Variants in RNLS observed in about 807,000 individuals in gnomAD.
RNLS encodes renalase, FAD dependent amine oxidase.
Under a neutral mutation model 39.8 loss-of-function variants are expected in RNLS, and 39 were observed. The ratio of observed to expected loss-of-function variants is 0.98; its 90% CI spans 0.76 to 1.28. The LOEUF (loss-of-function observed/expected upper bound fraction) is 1.28. Ranked by LOEUF, RNLS falls within the 50% of genes most tolerant of loss-of-function variation. RNLS has a pLI of 0.00. For synonymous variants in RNLS, 147 were observed against 150.7 expected (o/e 0.98, Z 0.18); for missense variants, 410 against 413.3 (o/e 0.99, Z 0.07).
chr10:88,229,597 A>G, the RNLS span, among the ~76,000 whole-genome samples: 6 of 152,238 alleles, frequency 3.9e-5, no homozygotes, highest in African/African-American at 1.4e-4. Flanking sequence ...TTGTGTGGCC[A>G]TAACCACAAT....
At position 88,406,329 on chromosome 10, in the gene RNLS, T is replaced by C. The variant is rs140536147; in HGVS notation, c.527-43604A>G. Among the ~76,000 whole-genome samples, 1,042 of 152,276 alleles carry C rather than the reference T, an allele frequency of 6.8e-3. 4 individuals carry two copies. The highest frequency in any genetic ancestry group is 0.041 in the Middle Eastern group (12 of 294). On this transcript the variant is annotated intron_variant, in intron 4 of 6. Transcript: ENST00000331772. ...CCCCCAAATATGTTTTCTAAGCTTT[T>C]AGAATTCTCTTCTTCCTCAGGAACA... is the stretch of plus-strand genomic sequence containing the variant.
At chr10:88,434,795 C>T (rs915393236) in intron 4 of RNLS, among the ~76,000 whole-genome samples, 10 of 151,970 alleles carry the variant, frequency 6.6e-5, no homozygotes, top group African/African-American at 2.4e-4. Context: ...GTTATTTAAT[C>T]TGTGAAATAG....
intron 3 of RNLS, among the ~76,000 whole-genome samples, chr10:88,580,283 A>T (rs1042105505): frequency 2.6e-5 from 4 of 152,182 alleles, no homozygotes; most frequent in Non-Finnish European, 5.9e-5. Context: ...GAGTAGTCTA[A>T]CATACCATCT....
chr10:88,310,533 G>A (rs1247314782), intron 6 of RNLS, among the ~76,000 whole-genome samples: 2 of 151,504 alleles, frequency 1.3e-5, no homozygotes, highest in East Asian at 2.0e-4. Flanking sequence ...GCTTATGACT[G>A]TAATCCTAGC....
At chr10:88,332,287 C>A (rs910018386) in intron 5 of RNLS, among the ~76,000 whole-genome samples, 2 of 152,254 alleles carry the variant, frequency 1.3e-5, no homozygotes, top group Non-Finnish European at 2.9e-5. Flanking sequence ...TATTTATAAT[C>A]ATTCAACACA....
the RNLS span, among the ~76,000 whole-genome samples, chr10:88,248,258 A>G: frequency 1.3e-3 from 203 of 152,324 alleles, 1 homozygote; most frequent in East Asian, 8.1e-3. Flanking sequence ...TCACTTTACC[A>G]TCTACCTACT....
At chr10:88,515,924 A>G (rs1846381206) in intron 4 of RNLS, among the ~76,000 whole-genome samples, 1 of 152,066 alleles carries the variant, frequency 6.6e-6, no homozygotes, top group South Asian at 2.1e-4. Context: ...GGATAAAGTG[A>G]AGCCTTTAGG....
chr10:88,210,840 G>T, the RNLS span, among the ~76,000 whole-genome samples: 6 of 152,090 alleles, frequency 3.9e-5, no homozygotes, highest in African/African-American at 1.4e-4. Flanking sequence ...ACTCCTTGTG[G>T]GACTGTGTTC....
intron 4 of RNLS, among the ~76,000 whole-genome samples, chr10:88,453,717 GT>G (rs1842472811): frequency 6.6e-6 from 1 of 152,184 alleles, no homozygotes; most frequent in African/African-American, 2.4e-5. Context: ...TAACAAAGCT[GT>G]TAACTAGCAT....
At chr10:88,459,348 A>G (rs948031331) in intron 4 of RNLS, among the ~76,000 whole-genome samples, 13 of 152,168 alleles carry the variant, frequency 8.5e-5, no homozygotes, top group Non-Finnish European at 1.9e-4. Flanking sequence ...ATTAGTGGAT[A>G]AATTCAGCGT....
At chr10:88,458,518 C>G (rs1842761280) in intron 4 of RNLS, among the ~76,000 whole-genome samples, 1 of 152,224 alleles carries the variant, frequency 6.6e-6, no homozygotes, top group Non-Finnish European at 1.5e-5. Context: ...TTTCTGCATT[C>G]TCTGCTGAAT....
the RNLS span, among the ~76,000 whole-genome samples, chr10:88,223,383 T>G: frequency 3.3e-5 from 5 of 152,194 alleles, no homozygotes; most frequent in Non-Finnish European, 7.3e-5. Flanking sequence ...AGCAAAAATA[T>G]TCCCACAAAA....
At chr10:88,355,605 C>A (rs117430251) in intron 5 of RNLS, among the ~76,000 whole-genome samples, 10 of 152,118 alleles carry the variant, frequency 6.6e-5, no homozygotes, top group Non-Finnish European at 1.2e-4. Flanking sequence ...GGCCGTGTGA[C>A]GTGTCAGTCT....
chr10:88,345,823 C>G (rs1190361185), intron 5 of RNLS, among the ~76,000 whole-genome samples: 2 of 152,078 alleles, frequency 1.3e-5, no homozygotes, highest in Non-Finnish European at 2.9e-5. Context: ...TGATATTGGA[C>G]CATTTTTAAT....
chr10:88,439,785 C>T (rs1193000514), intron 4 of RNLS, among the ~76,000 whole-genome samples: 1 of 152,226 alleles, frequency 6.6e-6, no homozygotes, highest in Non-Finnish European at 1.5e-5. Flanking sequence ...TAACACTCCA[C>T]ATCCAGGTCT....
intron 4 of RNLS, among the ~76,000 whole-genome samples, chr10:88,477,309 T>C (rs1162646044): frequency 2.0e-5 from 3 of 152,082 alleles, no homozygotes; most frequent in Admixed American, 6.6e-5. Context: ...GGTGCCTTGA[T>C]GGTATGAGCA....
chr10:88,269,354 T>C (rs968317043), downstream of RNLS, among the ~76,000 whole-genome samples: 5 of 152,222 alleles, frequency 3.3e-5, no homozygotes, highest in African/African-American at 1.2e-4. Flanking sequence ...AGGGCTAGTA[T>C]ACTAAGCTGA....
intron 6 of RNLS, among the ~76,000 whole-genome samples, chr10:88,276,154 A>C (rs1385081530): frequency 6.6e-6 from 1 of 152,202 alleles, no homozygotes; most frequent in African/African-American, 2.4e-5. Flanking sequence ...CTCTTAAAAA[A>C]TTGAGCTAAA....
In RNLS at chr10:88,564,816, A is replaced by T. The variant is rs553189728; in HGVS notation, c.526+8087T>A. On this transcript the variant is annotated intron_variant, in intron 4 of 6. Transcript: ENST00000331772. ...TATTCTCCCAGCTGGGAGGAAGTTT[A>T]ATAAATGTAATAAATAATTGCCAAA... Among the ~76,000 whole-genome samples, 11 of 152,350 alleles carry T rather than the reference A, an allele frequency of 7.2e-5. No individual in the cohort carries two copies. The South Asian group carries it at 2.3e-3, about 32-fold the overall frequency.
Sources: allele counts gnomAD v4.1 joint callset (sites outside exome capture counted in the v4.1 genomes callset), GRCh38; gene constraint gnomAD v4.1.1; transcripts MANE v1.5; gene names NCBI Gene and HGNC (gene_info 2026-07-23, HGNC 2026-07-21).